Variants in ZDHHC14 observed in about 807,000 individuals in gnomAD.
ZDHHC14 encodes the protein zDHHC palmitoyltransferase 14.
ZDHHC14 carries 16 observed loss-of-function variants against 47.7 expected under a neutral mutation model. That is an observed-to-expected ratio of 0.34 (90% confidence interval 0.23 to 0.51). The LOEUF (loss-of-function observed/expected upper bound fraction) is 0.51, where lower values mean the gene tolerates loss of function less well. Among genes scored for constraint, ZDHHC14 ranks in the 20% least tolerant of loss-of-function variants. The pLI is 0.97. For missense variants in ZDHHC14, 515 were observed against 662.5 expected, an observed-to-expected ratio of 0.78 and a Z score of 2.44; for synonymous variants, 293 against 278.9, an observed-to-expected ratio of 1.05 and a Z score of -0.50.
intron 3 of ZDHHC14, among the ~76,000 whole-genome samples, chr6:157,601,813 C>T (rs1203021043): frequency 1.3e-5 from 2 of 152,166 alleles, no homozygotes; most frequent in East Asian, 3.9e-4. Context: ...TTCTTCATTG[C>T]CCATTTTTGT....
At chr6:157,504,437 C>T (rs1159649319) in intron 1 of ZDHHC14, among the ~76,000 whole-genome samples, 4 of 148,962 alleles carry the variant, frequency 2.7e-5, no homozygotes, top group South Asian at 2.2e-4. Flanking sequence ...CGTGAGCCAC[C>T]GCACCCAGCC....
At chr6:157,590,761 C>A (rs953382915) in intron 2 of ZDHHC14, among the ~76,000 whole-genome samples, 6 of 152,232 alleles carry the variant, frequency 3.9e-5, no homozygotes, top group African/African-American at 1.4e-4. Context: ...ATCCTCCAGA[C>A]CCCAGAATGG....
At chr6:157,653,765 G>A (rs953052654) in intron 8 of ZDHHC14, 138 bp downstream of exon 8, 16 of 731,378 alleles carry the variant, frequency 2.2e-5, no homozygotes, top group Non-Finnish European at 3.6e-5. Context: ...TGACTACTGC[G>A]CTCAGACAGG....
chr6:157,665,177 A>G (rs1344758464), intron 8 of ZDHHC14, among the ~76,000 whole-genome samples: 2 of 152,140 alleles, frequency 1.3e-5, no homozygotes, highest in African/African-American at 2.4e-5. Flanking sequence ...CCAGTTTCAT[A>G]TACTCCCTTA....
chr6:157,496,835 G>A (rs756159929), intron 1 of ZDHHC14, among the ~76,000 whole-genome samples: 165 of 152,294 alleles, frequency 1.1e-3, no homozygotes, highest in Non-Finnish European at 2.1e-3. Flanking sequence ...CAATACACAC[G>A]CCGACCTGCA....
At chr6:157,460,123 A>C (rs1325348776) in intron 1 of ZDHHC14, among the ~76,000 whole-genome samples, 1 of 151,696 alleles carries the variant, frequency 6.6e-6, no homozygotes, top group Non-Finnish European at 1.5e-5. Context: ...GAATCGCCTG[A>C]ACCCGGGAGG....
At chr6:157,513,408 A>C (rs755595219) in intron 1 of ZDHHC14, among the ~76,000 whole-genome samples, 2 of 152,196 alleles carry the variant, frequency 1.3e-5, no homozygotes, top group African/African-American at 4.8e-5. Context: ...GCTGATAGTA[A>C]GTCAGTTTCA....
Position 157,381,495 on chromosome 6 carries a change from G to A in ZDHHC14, c.-527G>A, listed in dbSNP as rs1342417057. On this transcript the variant is annotated 5_prime_UTR_variant, in exon 1 of 9. Coordinates refer to ENST00000359775, the MANE Select transcript of ZDHHC14 (RefSeq NM_024630.3). ...CGCGCGCGGCCGCCCAGTCGCCAGC[G>A]CTCTCTCCTGGGAGGATCCGCTGCC... is the stretch of plus-strand genomic sequence containing the variant. 1.3e-5 allele frequency: 5 copies of A among 376,174 alleles called. No homozygotes were observed. Among genetic ancestry groups the A allele is most frequent in the Non-Finnish European group, 2.1e-5 (4 of 186,274 alleles). The allele number at this position is 376,174 out of a possible 1,614,324, so 23.3% of individuals were successfully genotyped here.
chr6:157,587,631 T>C (rs1783744932), intron 2 of ZDHHC14, among the ~76,000 whole-genome samples: 2 of 152,196 alleles, frequency 1.3e-5, no homozygotes, highest in Non-Finnish European at 2.9e-5. Context: ...GACCTGCTTC[T>C]TCCTCCTGCC....
At chr6:157,471,408 A>G (rs1208541390) in intron 1 of ZDHHC14, among the ~76,000 whole-genome samples, 1 of 152,038 alleles carries the variant, frequency 6.6e-6, no homozygotes, top group Non-Finnish European at 1.5e-5. Flanking sequence ...CCGCCCGCCG[A>G]CACCAGACAC....
At chr6:157,382,323 C>G (rs1342632548) in intron 1 of ZDHHC14, 57 bp downstream of exon 1, 2 of 1,575,492 alleles carry the variant, frequency 1.3e-6, no homozygotes, top group Non-Finnish European at 1.7e-6. Flanking sequence ...CCCTGTCCCC[C>G]GCCCCTCCTC....
intron 2 of ZDHHC14, among the ~76,000 whole-genome samples, chr6:157,553,423 G>A (rs1029173352): frequency 2.0e-5 from 3 of 152,078 alleles, no homozygotes; most frequent in African/African-American, 4.8e-5. Context: ...TCCTTATCAC[G>A]GATGCCTTCA....
At chr6:157,505,400 G>A (rs1335463834) in intron 1 of ZDHHC14, among the ~76,000 whole-genome samples, 1 of 152,150 alleles carries the variant, frequency 6.6e-6, no homozygotes, top group Non-Finnish European at 1.5e-5. Context: ...CGTAGTTCAG[G>A]GAGAGGACCT....
intron 2 of ZDHHC14, among the ~76,000 whole-genome samples, chr6:157,579,644 T>C (rs1783444952): frequency 6.6e-6 from 1 of 152,202 alleles, no homozygotes; most frequent in South Asian, 2.1e-4. Context: ...ATTATTTTTG[T>C]GGCAACTGTG....
chr6:157,587,345 C>T (rs550501772), intron 2 of ZDHHC14, among the ~76,000 whole-genome samples: 14 of 152,300 alleles, frequency 9.2e-5, no homozygotes, highest in African/African-American at 1.2e-4. Flanking sequence ...AGCACACAGC[C>T]GTGCCATCTC....
chr6:157,467,166 A>G (rs1779239102), intron 1 of ZDHHC14, among the ~76,000 whole-genome samples: 1 of 152,190 alleles, frequency 6.6e-6, no homozygotes, highest in African/African-American at 2.4e-5. Context: ...CTTTATTGAG[A>G]TGTAACTCAC....
intron 3 of ZDHHC14, among the ~76,000 whole-genome samples, chr6:157,626,899 G>C (rs1019323816): frequency 1.4e-5 from 2 of 145,936 alleles, no homozygotes; most frequent in Non-Finnish European, 3.0e-5. Flanking sequence ...CTGGGGGGGG[G>C]GCGGCGGGGG....
chr6:157,646,751 T>C (rs975102013), intron 6 of ZDHHC14, among the ~76,000 whole-genome samples: 4 of 152,206 alleles, frequency 2.6e-5, no homozygotes, highest in Non-Finnish European at 5.9e-5. Context: ...TAGGTCCAGT[T>C]ACCTTAAACA....
intron 1 of ZDHHC14, among the ~76,000 whole-genome samples, chr6:157,521,878 C>T (rs1210917798): frequency 1.3e-5 from 2 of 152,190 alleles, no homozygotes; most frequent in Non-Finnish European, 2.9e-5. Context: ...GCTCTGACTT[C>T]TAGATTGACT....
Sources: gnomAD v4.1 joint callset for allele counts (sites outside exome capture counted in the v4.1 genomes callset) on GRCh38, gnomAD v4.1.1 for gene constraint, MANE v1.5 for transcripts, NCBI Gene and HGNC (gene_info 2026-07-23, HGNC 2026-07-21) for gene names.